TAOK3: variants seen among roughly 807,000 people sequenced by gnomAD.
TAOK3 encodes the protein serine/threonine-protein kinase TAO3.
In TAOK3, 40 loss-of-function variants were observed where a neutral mutation model predicts 120.4. The observed-to-expected ratio is 0.33, with a 90% CI of 0.26 to 0.43. TAOK3 has a LOEUF of 0.43. Ranked by LOEUF, TAOK3 falls within the 20% of genes least tolerant of loss-of-function variation. TAOK3 has a pLI of 1.00. For synonymous variants in TAOK3, 355 were observed against 387.5 expected, an observed-to-expected ratio of 0.92 and a Z score of 0.99; for missense variants, 821 against 1,112.1, an observed-to-expected ratio of 0.74 and a Z score of 3.72.
intron 14 of TAOK3, 58 bp downstream of exon 14, chr12:118,189,749 G>A (rs538372197): frequency 1.4e-5 from 23 of 1,604,956 alleles, no homozygotes; most frequent in Non-Finnish European, 1.9e-5. Context: ...AGGGCGAGAG[G>A]CTGCCAGATG....
chr12:118,324,080 A>G (rs2043830136), intron 1 of TAOK3, among the ~76,000 whole-genome samples: 1 of 152,230 alleles, frequency 6.6e-6, no homozygotes, highest in Non-Finnish European at 1.5e-5. Context: ...ATTATGATAT[A>G]AATCTGGAAG....
chr12:118,360,014 C>T (rs889735815), intron 1 of TAOK3, among the ~76,000 whole-genome samples: 1 of 152,040 alleles, frequency 6.6e-6, no homozygotes, highest in African/African-American at 2.4e-5. Context: ...ACCTGTAATC[C>T]CAGCACTTTG....
At chr12:118,304,135 T>A (rs2042970688) in intron 1 of TAOK3, among the ~76,000 whole-genome samples, 1 of 152,230 alleles carries the variant, frequency 6.6e-6, no homozygotes, top group Non-Finnish European at 1.5e-5. Flanking sequence ...TTTAAGTTGT[T>A]GAAAAGGCAA....
chr12:118,359,865 G>T (rs926905244), intron 1 of TAOK3: 5 of 152,142 alleles, frequency 3.3e-5, no homozygotes, highest in Non-Finnish European at 5.9e-5. Context: ...CTAATACCGA[G>T]AGACACCCAA....
Position 118,199,060 on chromosome 12 carries a change from C to A in TAOK3, c.1185G>T (p.Val395=). Residue 395 remains valine, a synonymous_variant, in exon 13 of 21, where the codon GTG becomes GTT. Coordinates refer to ENST00000392533, the MANE Select transcript of TAOK3 (RefSeq NM_016281.4). ...ESTINSSSSV[V]HKKDHVFIRD... is the part of the protein sequence containing the mutation. ...GTACCAAGAAACCTACTTTCTTATG[C>A]ACGACGGAGGAGCTGGAATTGATTG... is the stretch of plus-strand genomic sequence containing the variant. The A allele has an allele frequency of 6.2e-7, 1 of 1,614,146 alleles. No individual in the cohort carries two copies. The highest frequency in any genetic ancestry group is 2.2e-5 in the East Asian group (1 of 44,872).
intron 6 of TAOK3, among the ~76,000 whole-genome samples, chr12:118,239,001 G>A (rs1400297687): frequency 6.6e-6 from 1 of 152,188 alleles, no homozygotes; most frequent in Non-Finnish European, 1.5e-5. Context: ...CATTTTGGTA[G>A]TACCTGCCCT....
At chr12:118,233,348 CAT>C (rs1168998969) in intron 9 of TAOK3, among the ~76,000 whole-genome samples, 3 of 151,592 alleles carry the variant, frequency 2.0e-5, no homozygotes, top group African/African-American at 7.3e-5. Context: ...CACATGTGTA[CAT>C]ATGTAACAAA....
chr12:118,246,472 T>C lies in TAOK3; in HGVS notation c.121-1507A>G, dbSNP rs998709676. On this transcript the variant is annotated intron_variant, in intron 3 of 20. Transcript: ENST00000392533. ...ACCAGGTTCAAGGCGTTTGTTGCTA[T>C]CGGGGACTACAATGGCCACGTCGGT... is the stretch of plus-strand genomic sequence containing the variant. The C allele has an allele frequency of 8.4e-6, 13 of 1,539,002 alleles. No homozygotes were observed. In the African/African-American group the frequency reaches 1.6e-4, roughly 19 times the overall value.
chr12:118,240,592 C>T (rs1051380439), intron 5 of TAOK3, among the ~76,000 whole-genome samples: 14 of 152,084 alleles, frequency 9.2e-5, no homozygotes, highest in African/African-American at 3.4e-4. Flanking sequence ...GATCCACCCA[C>T]CTAGGCCTCC....
chr12:118,186,066 C>T (rs2037056539), intron 14 of TAOK3, among the ~76,000 whole-genome samples: 1 of 152,176 alleles, frequency 6.6e-6, no homozygotes, highest in Non-Finnish European at 1.5e-5. Flanking sequence ...TCCAATTTCA[C>T]AATTAGCTGA....
chr12:118,311,490 C>T (rs1201549579), intron 1 of TAOK3, among the ~76,000 whole-genome samples: 1 of 151,958 alleles, frequency 6.6e-6, no homozygotes, highest in Non-Finnish European at 1.5e-5. Flanking sequence ...AAAGAGCTCA[C>T]AAATAAGTTT....
chr12:118,288,170 G>A (rs1351496585), intron 1 of TAOK3, among the ~76,000 whole-genome samples: 1 of 151,650 alleles, frequency 6.6e-6, no homozygotes, highest in Non-Finnish European at 1.5e-5. Context: ...ATCAGATTTA[G>A]AGACTCAAAA....
rs2035124558 is a variant in TAOK3, at chr12:118,160,175, T to C, written c.2323A>G (p.Ser775Gly). The C allele has an allele frequency of 1.2e-6, 2 of 1,614,102 alleles. No individual in the cohort carries two copies. The change falls in exon 19 of 21, where the codon AGT becomes GGT. Residue 775 changes from serine to glycine, a missense_variant. Transcript: ENST00000392533. The surrounding 1 kb of genome is among the most constrained non-coding windows in gnomAD (Gnocchi z 4.2). Reference sequence around the variant, plus strand: ...TGAGAGGCCATCATTTCATTTATACTCTGTTCATACTGCTCTGCCAAAATG... The same window carrying C: ...TGAGAGGCCATCATTTCATTTATACCCTGTTCATACTGCTCTGCCAAAATG... The part of the protein sequence containing the change: ...LAILAEQYEQ[S>G]INEMMASQAL...
At chr12:118,294,068 TAGAC>T (rs953230152) in intron 1 of TAOK3, among the ~76,000 whole-genome samples, 3 of 152,088 alleles carry the variant, frequency 2.0e-5, no homozygotes, top group African/African-American at 7.2e-5. Flanking sequence ...ATGAACCAAG[TAGAC>T]AGCAGTGGAG....
At chr12:118,151,645 G>A (rs1287021972) in intron 20 of TAOK3, among the ~76,000 whole-genome samples, 2 of 152,130 alleles carry the variant, frequency 1.3e-5, no homozygotes, top group Non-Finnish European at 1.5e-5. Flanking sequence ...GGGAACTACT[G>A]GAAGAAAGTG....
At chr12:118,348,845 CTTTTTTTTTTTT>C (rs756607862) in intron 1 of TAOK3, among the ~76,000 whole-genome samples, 1 of 127,812 alleles carries the variant, frequency 7.8e-6, no homozygotes, top group Non-Finnish European at 1.7e-5. Context: ...AAAATAATTT[CTTTTTTTTTTTT>C]TTTTTTTTGA....
intron 13 of TAOK3, among the ~76,000 whole-genome samples, chr12:118,192,225 G>A (rs974832164): frequency 1.3e-5 from 2 of 152,004 alleles, no homozygotes; most frequent in African/African-American, 2.4e-5. Flanking sequence ...GAAGTACACC[G>A]GAAAAATTAA....
At chr12:118,176,962 T>C (rs548850825) in intron 16 of TAOK3, among the ~76,000 whole-genome samples, 1 of 152,260 alleles carries the variant, frequency 6.6e-6, no homozygotes, top group South Asian at 2.1e-4. Flanking sequence ...AGACGAGGTT[T>C]CACCATGTTG....
chr12:118,266,236 G>A (rs986525192), intron 2 of TAOK3, among the ~76,000 whole-genome samples: 6 of 151,982 alleles, frequency 3.9e-5, no homozygotes, highest in Admixed American at 2.6e-4. Context: ...TCTTGTTGCC[G>A]AAGCTGGAGT....
Sources: allele counts gnomAD v4.1 joint callset (sites outside exome capture counted in the v4.1 genomes callset), GRCh38; gene constraint gnomAD v4.1.1; non-coding constraint Gnocchi (gnomAD v3.1); transcripts MANE v1.5; gene names NCBI Gene and HGNC (gene_info 2026-07-23, HGNC 2026-07-21).